Variants in ORC5 observed in about 807,000 individuals in gnomAD.
ORC5 encodes protein phosphatase 1, regulatory subunit 117.
In ORC5, 39 loss-of-function variants were observed where a neutral mutation model predicts 58.8. The observed-to-expected ratio is 0.66, with a 90% CI of 0.51 to 0.87. ORC5 has a LOEUF of 0.87. Ranked by LOEUF, ORC5 falls within the 40% of genes least tolerant of loss-of-function variation. The probability of loss-of-function intolerance (pLI) is 0.00; values close to 1 mark genes in which losing one functional copy is unlikely to be tolerated. For synonymous variants in ORC5, 218 were observed against 177.6 expected (o/e 1.23, Z -1.81); for missense variants, 493 against 506.3 (o/e 0.97, Z 0.25).
At chr7:104,176,444 C>T (rs1172632203) in intron 8 of ORC5, among the ~76,000 whole-genome samples, 3 of 152,156 alleles carry the variant, frequency 2.0e-5, no homozygotes, top group African/African-American at 7.2e-5. Context: ...CTTTCGGTGT[C>T]TGCTATCTGT....
intron 12 of ORC5, among the ~76,000 whole-genome samples, chr7:104,149,772 C>T (rs1014276389): frequency 6.6e-6 from 1 of 152,132 alleles, no homozygotes; most frequent in African/African-American, 2.4e-5. Flanking sequence ...TTTTATTTCA[C>T]CTTAGCTTAA....
chr7:104,131,914 ATAAG>A (rs1042275552), intron 13 of ORC5, among the ~76,000 whole-genome samples: 1 of 152,134 alleles, frequency 6.6e-6, no homozygotes, highest in Non-Finnish European at 1.5e-5. Context: ...TAGCAAATAA[ATAAG>A]TAAATAAATG....
At chr7:104,148,454 GCAATGCAAGTAAAA>G (rs1397145161) in intron 12 of ORC5, among the ~76,000 whole-genome samples, 1 of 152,148 alleles carries the variant, frequency 6.6e-6, no homozygotes, top group African/African-American at 2.4e-5. Flanking sequence ...AGGAGAGCAG[GCAATGCAAGTAAAA>G]CAGAGAAAAA....
chr7:104,163,682 G>T (rs184027249), intron 11 of ORC5, among the ~76,000 whole-genome samples: 1 of 152,052 alleles, frequency 6.6e-6, no homozygotes, highest in Non-Finnish European at 1.5e-5. Context: ...TAGTAGAGCC[G>T]GGGTTTCACC....
intron 3 of ORC5, 30 bp from the exon 4 acceptor site, chr7:104,197,829 GA>G (rs1562829625): frequency 1.4e-6 from 2 of 1,380,292 alleles, no homozygotes; most frequent in Admixed American, 4.3e-5. Flanking sequence ...AAAACAAAAA[GA>G]AATGCATTTA....
intron 9 of ORC5, chr7:104,168,022 A>T (rs141288036): frequency 4.8e-4 from 75 of 156,986 alleles, no homozygotes; most frequent in Middle Eastern, 3.3e-3. Context: ...GTTCTATTTA[A>T]TATTTGGGAT....
At chr7:104,141,327 G>T (rs538937309) in intron 12 of ORC5, among the ~76,000 whole-genome samples, 1 of 152,218 alleles carries the variant, frequency 6.6e-6, no homozygotes, top group African/African-American at 2.4e-5. Flanking sequence ...GTCACTTAAG[G>T]TATTAAGATC....
intron 8 of ORC5, among the ~76,000 whole-genome samples, chr7:104,181,775 G>C (rs1799437134): frequency 6.9e-6 from 1 of 145,950 alleles, no homozygotes; most frequent in Non-Finnish European, 1.5e-5. Flanking sequence ...CTGGGCGACA[G>C]AGCGAGACTC....
At chr7:104,191,869 C>A (rs1391111637) in intron 5 of ORC5, among the ~76,000 whole-genome samples, 2 of 152,100 alleles carry the variant, frequency 1.3e-5, no homozygotes, top group Admixed American at 1.3e-4. Flanking sequence ...GCCATTCCTA[C>A]CTTGGAGAGA....
At chr7:104,202,007 T>C (rs1799956991) in intron 2 of ORC5, among the ~76,000 whole-genome samples, 1 of 152,114 alleles carries the variant, frequency 6.6e-6, no homozygotes. Context: ...GAAGTATCAC[T>C]TGAGCCCAGG....
At chr7:104,197,584 G>A in intron 4 of ORC5, 141 bp downstream of exon 4, 1 of 553,756 alleles carries the variant, frequency 1.8e-6, no homozygotes, top group Non-Finnish European at 3.2e-6. Context: ...AAAAAACACT[G>A]AGCTTTACTG....
In ORC5 at chr7:104,200,611, G is replaced by A. The variant is rs186398153; in HGVS notation, c.366+147C>T. On this transcript the variant is annotated intron_variant, in intron 3 of 13. Transcript: ENST00000297431. ...TTAAATGAAGCTTCCCTTGGATAAGGAATATATTTAATACATTTCTGTATA... is the reference window on the plus strand; with the variant it reads ...TTAAATGAAGCTTCCCTTGGATAAGAAATATATTTAATACATTTCTGTATA... 1.8e-4 allele frequency: 111 copies of A among 605,454 alleles called. No homozygotes were observed. The East Asian group carries it at 3.1e-3, about 17-fold the overall frequency. The allele number at this position is 605,454 out of a possible 1,614,324, so 37.5% of individuals were successfully genotyped here.
rs776170776 is a variant in ORC5 at position 104,204,233 on chromosome 7, C to A, written c.74G>T (p.Arg25Ile). Reference protein sequence around the residue: ...VSILQSLFGERHHFSFPSIFI... With the variant: ...VSILQSLFGEIHHFSFPSIFI... ...AATGGATGGAAAGCTGAAATGATGT[C>A]TCTAACGAGAGAAAAGACAAATATG... is the stretch of plus-strand genomic sequence containing the variant. The change falls in exon 2 of 14, where the codon AGA (arginine) becomes ATA (isoleucine). Residue 25 changes from arginine to isoleucine, a missense_variant and splice_region_variant. Around this residue, in one of 3 missense-constraint regions of ORC5, gnomAD observed 412 missense variants for 403.7 expected, o/e 1.02. Transcript: ENST00000297431. 6.4e-7 allele frequency: 1 copy of A among 1,569,808 alleles called. No individual in the cohort carries two copies. The highest frequency in any genetic ancestry group is 8.7e-7 in the Non-Finnish European group (1 of 1,146,350).
At chr7:104,159,084 C>A (rs1798979075) in intron 12 of ORC5, among the ~76,000 whole-genome samples, 1 of 151,246 alleles carries the variant, frequency 6.6e-6, no homozygotes, top group Non-Finnish European at 1.5e-5. Flanking sequence ...ACCCAAATGT[C>A]CAACAATGAT....
At chr7:104,185,068 G>T (rs886887615) in intron 6 of ORC5, among the ~76,000 whole-genome samples, 1 of 146,698 alleles carries the variant, frequency 6.8e-6, no homozygotes, top group African/African-American at 2.5e-5. Flanking sequence ...CATATTTTGT[G>T]TAAGGCTCCT....
intron 12 of ORC5, among the ~76,000 whole-genome samples, chr7:104,158,182 T>G (rs1025698437): frequency 1.5e-4 from 23 of 152,132 alleles, no homozygotes; most frequent in African/African-American, 5.3e-4. Flanking sequence ...GATCTCTTTC[T>G]GCTCTAAACT....
At chr7:104,168,392 G>T in intron 9 of ORC5, 81 bp downstream of exon 9, 1 of 1,539,576 alleles carries the variant, frequency 6.5e-7, no homozygotes, top group Non-Finnish European at 8.8e-7. Context: ...CTGACTGAAT[G>T]CTCTTTAGTA....
intron 8 of ORC5, among the ~76,000 whole-genome samples, chr7:104,179,879 T>A (rs1799399640): frequency 6.6e-6 from 1 of 152,230 alleles, no homozygotes. Context: ...TAATCTTGAT[T>A]GAGGTGATAA....
intron 11 of ORC5, among the ~76,000 whole-genome samples, chr7:104,161,993 A>G (rs1799033293): frequency 6.6e-6 from 1 of 152,178 alleles, no homozygotes. Context: ...GAAAACTAAT[A>G]AAATATTTTA....
Sources: allele counts gnomAD v4.1 joint callset (sites outside exome capture counted in the v4.1 genomes callset), GRCh38; gene constraint gnomAD v4.1.1; regional missense constraint gnomAD v4.1.1; transcripts MANE v1.5; gene names NCBI Gene and HGNC (gene_info 2026-07-23, HGNC 2026-07-21).